ATP8B4: variants seen among roughly 807,000 people sequenced by gnomAD.
ATP8B4 encodes the protein ATPase phospholipid transporting 8B4 (putative).
Under a neutral mutation model 145.6 loss-of-function variants are expected in ATP8B4, and 133 were observed. The observed-to-expected ratio is 0.91, with a 90% confidence interval of 0.79 to 1.05. ATP8B4 has a LOEUF of 1.05. ATP8B4 is among the 50% of genes least tolerant of loss of function. The pLI, the probability that ATP8B4 is intolerant of heterozygous loss-of-function variation, is 0.00. For missense variants in ATP8B4, 1,458 were observed against 1,425.2 expected, an observed-to-expected ratio of 1.02 and a Z score of -0.37; for synonymous variants, 507 against 492.9, an observed-to-expected ratio of 1.03 and a Z score of -0.38.
chr15:50,018,179 C>T (rs1321054708), intron 6 of ATP8B4, among the ~76,000 whole-genome samples: 2 of 151,798 alleles, frequency 1.3e-5, no homozygotes, highest in South Asian at 2.1e-4. Flanking sequence ...GTAGAGACAG[C>T]GTTTCGCCAT....
chr15:49,980,259 C>G (rs1462290969), intron 11 of ATP8B4, among the ~76,000 whole-genome samples: 3 of 152,130 alleles, frequency 2.0e-5, no homozygotes, highest in African/African-American at 7.2e-5. Flanking sequence ...TAATTACCTT[C>G]TTTCCTTATT....
At chr15:50,150,100 C>CA (rs879461878) in intron 1 of ATP8B4, among the ~76,000 whole-genome samples, 345 of 134,782 alleles carry the variant, frequency 2.6e-3, no homozygotes, top group Non-Finnish European at 4.6e-3. Context: ...GACTCCGTCC[C>CA]AAAAAAAAAA....
At chr15:49,901,917 G>A (rs575525631) in intron 20 of ATP8B4, 44 of 356,826 alleles carry the variant, frequency 1.2e-4, no homozygotes, top group African/African-American at 2.0e-4. Flanking sequence ...AAATGGAAAC[G>A]CCCTCCAAAT....
At chr15:50,026,553 C>T (rs1036012444) in intron 6 of ATP8B4, among the ~76,000 whole-genome samples, 10 of 152,186 alleles carry the variant, frequency 6.6e-5, no homozygotes, top group African/African-American at 2.4e-4. Flanking sequence ...CCGAGAGCAC[C>T]TGCTCTGAGC....
intron 18 of ATP8B4, among the ~76,000 whole-genome samples, chr15:49,919,418 T>C (rs1221288247): frequency 3.9e-5 from 6 of 152,100 alleles, no homozygotes; most frequent in African/African-American, 1.2e-4. Context: ...TCCTTTTCCT[T>C]TCTTTCTTTT....
chr15:49,970,291 G>A (rs899256515), intron 13 of ATP8B4, among the ~76,000 whole-genome samples: 11 of 152,170 alleles, frequency 7.2e-5, no homozygotes, highest in African/African-American at 1.9e-4. Flanking sequence ...GCAAGAGAAC[G>A]AAATAAAGGG....
At position 49,984,698 on chromosome 15, in the gene ATP8B4, C is replaced by T. The variant is rs139242602; in HGVS notation, c.748+2693G>A. On this transcript the variant is annotated intron_variant, in intron 10 of 27. Transcript: ENST00000284509. ...CTTCCTAGGGATCCCCGAGACAAAG[C>T]CCAACCAGAAGCAGAAGTACAAGGT... Among the ~76,000 whole-genome samples, 3 of 152,112 alleles carry T rather than the reference C, an allele frequency of 2.0e-5. No individual in the cohort carries two copies. The East Asian group carries it at 5.8e-4, about 29-fold the overall frequency.
At chr15:50,162,396 C>A (rs979455783) in intron 1 of ATP8B4, among the ~76,000 whole-genome samples, 2 of 151,708 alleles carry the variant, frequency 1.3e-5, no homozygotes, top group African/African-American at 4.8e-5. Flanking sequence ...GTTATTTCTC[C>A]CTTGAATAAA....
intron 2 of ATP8B4, among the ~76,000 whole-genome samples, chr15:50,085,958 T>TATATTTATATGATATATATC (rs2054954593): frequency 3.4e-5 from 1 of 29,238 alleles, no homozygotes; most frequent in African/African-American, 3.6e-4. Context: ...ATATATCATA[T>TATATTTATATGATATATATC]ATATTTATAT....
chr15:49,870,145 A>G (rs2033453547), intron 25 of ATP8B4, among the ~76,000 whole-genome samples: 1 of 152,244 alleles, frequency 6.6e-6, no homozygotes, highest in Admixed American at 6.5e-5. Context: ...ATACATTCAT[A>G]TTATGAATTT....
chr15:49,860,096 G>A lies in ATP8B4; in HGVS notation c.*98C>T. The A allele has an allele frequency of 2.8e-5, 40 of 1,413,568 alleles. No individual in the cohort carries two copies. Among genetic ancestry groups the A allele is most frequent in the Non-Finnish European group, 3.8e-5 (40 of 1,044,816 alleles). 87.6% of individuals were successfully genotyped at this position (1,413,568 alleles called of 1,614,324 possible). On this transcript the variant is annotated 3_prime_UTR_variant, in exon 28 of 28. Coordinates refer to ENST00000284509, the MANE Select transcript of ATP8B4 (RefSeq NM_024837.4). ...TTAAGTTAAGTGAGGCAATCTGCCTGCCCCACCTCTTGCCTCAAATCTCAA... is the reference window on the plus strand; with the variant it reads ...TTAAGTTAAGTGAGGCAATCTGCCTACCCCACCTCTTGCCTCAAATCTCAA...
chr15:50,079,387 G>C (rs1427921575), intron 2 of ATP8B4, among the ~76,000 whole-genome samples: 1 of 152,178 alleles, frequency 6.6e-6, no homozygotes, highest in Non-Finnish European at 1.5e-5. Flanking sequence ...CCACACACCT[G>C]ATCCAGGTGT....
At chr15:50,007,898 G>T (rs1285632419) in intron 7 of ATP8B4, among the ~76,000 whole-genome samples, 3 of 152,182 alleles carry the variant, frequency 2.0e-5, no homozygotes, top group Non-Finnish European at 4.4e-5. Flanking sequence ...TAATCAAGAG[G>T]TTCAGTGAGG....
chr15:50,095,010 C>A (rs1277919200), intron 2 of ATP8B4, among the ~76,000 whole-genome samples: 2 of 151,958 alleles, frequency 1.3e-5, no homozygotes, highest in Non-Finnish European at 2.9e-5. Context: ...CAGTTGTAAG[C>A]AATATAGAAG....
chr15:50,047,144 G>C (rs1178212737), intron 4 of ATP8B4, among the ~76,000 whole-genome samples: 1 of 152,176 alleles, frequency 6.6e-6, no homozygotes, highest in Non-Finnish European at 1.5e-5. Flanking sequence ...AGTGACCTCA[G>C]TGTTTAAAAT....
chr15:49,860,477 T>C lies in ATP8B4; in HGVS notation c.3298-2A>G. On this transcript the variant is annotated splice_acceptor_variant, in intron 27 of 27. Coordinates refer to ENST00000284509, the MANE Select transcript of ATP8B4 (RefSeq NM_024837.4). LOFTEE classifies it high-confidence loss of function. ...TTGAGCCTTCTGCCACCGGCGGATC[T>C]GGAGAGAAACAGACCCAAAGTGAGA... 1 of 1,606,670 alleles carries C rather than the reference T, an allele frequency of 6.2e-7. No individual in the cohort carries two copies. Among genetic ancestry groups the C allele is most frequent in the Non-Finnish European group, 8.5e-7 (1 of 1,177,184 alleles).
In ATP8B4 at chr15:49,876,281, C is replaced by A; in HGVS notation, c.3024G>T (p.Val1008=). The A allele has an allele frequency of 1.2e-6, 2 of 1,613,948 alleles. No homozygotes were observed. The highest frequency in any genetic ancestry group is 1.7e-6 in the Non-Finnish European group (2 of 1,179,864). ...GTGCTTACACCGACAGCGTTACCTG[C>A]ACACTGACCACAATGACCAAAGATG... is the stretch of plus-strand genomic sequence containing the variant. ...MATSLVIVVS[V]QIALDTSYWT... is the part of the protein sequence containing the mutation. The change falls in exon 25 of 28, where the codon GTG becomes GTT. Residue 1008 remains valine, a synonymous_variant. Coordinates refer to ENST00000284509, the MANE Select transcript of ATP8B4 (RefSeq NM_024837.4).
chr15:49,894,042 G>A (rs1400935717), intron 23 of ATP8B4, among the ~76,000 whole-genome samples: 2 of 152,122 alleles, frequency 1.3e-5, no homozygotes, highest in African/African-American at 2.4e-5. Context: ...TCACTGACTG[G>A]CTGTCCTCTC....
intron 10 of ATP8B4, among the ~76,000 whole-genome samples, chr15:49,986,335 G>A (rs1204952369): frequency 6.6e-6 from 1 of 152,172 alleles, no homozygotes; most frequent in Non-Finnish European, 1.5e-5. Context: ...TCATTAAGTA[G>A]GAAGATAAAG....
Sources: gnomAD v4.1 joint callset for allele counts (sites outside exome capture counted in the v4.1 genomes callset) on GRCh38, gnomAD v4.1.1 for gene constraint, MANE v1.5 for transcripts, NCBI Gene and HGNC (gene_info 2026-07-23, HGNC 2026-07-21) for gene names.